TBC1D5: variants seen among roughly 807,000 people sequenced by gnomAD.
The protein encoded by TBC1D5 is TBC1 domain family member 5.
A neutral mutation model predicts 100.3 loss-of-function variants in TBC1D5; 75 were observed. The ratio of observed to expected loss-of-function variants is 0.75; its 90% CI spans 0.62 to 0.91. The LOEUF (loss-of-function observed/expected upper bound fraction) is 0.91, where lower values mean the gene tolerates loss of function less well. Ranked by LOEUF, TBC1D5 falls within the 40% of genes least tolerant of loss-of-function variation. TBC1D5 has a pLI of 0.00. For synonymous variants in TBC1D5, 323 were observed against 325.6 expected, an observed-to-expected ratio of 0.99 and a Z score of 0.09; for missense variants, 910 against 942.4, an observed-to-expected ratio of 0.97 and a Z score of 0.45.
At chr3:17,540,693 G>A (rs1054363110) in intron 2 of TBC1D5, among the ~76,000 whole-genome samples, 5 of 151,792 alleles carry the variant, frequency 3.3e-5, no homozygotes, top group Admixed American at 1.3e-4. Context: ...CAGATCACGA[G>A]GTCAAGAGAT....
chr3:17,523,460 CAA>C (rs1400297903), intron 2 of TBC1D5, among the ~76,000 whole-genome samples: 2 of 151,910 alleles, frequency 1.3e-5, no homozygotes, highest in South Asian at 2.1e-4. Flanking sequence ...ACAGGGGTCT[CAA>C]AAGACTTTAT....
At chr3:17,315,899 GC>G (rs2084642422) in intron 13 of TBC1D5, among the ~76,000 whole-genome samples, 1 of 152,170 alleles carries the variant, frequency 6.6e-6, no homozygotes, top group South Asian at 2.1e-4. Context: ...TGTAGGCATG[GC>G]AGAGGGCTAA....
At chr3:17,243,976 T>G (rs974547137) in intron 16 of TBC1D5, among the ~76,000 whole-genome samples, 3 of 152,162 alleles carry the variant, frequency 2.0e-5, no homozygotes, top group African/African-American at 7.2e-5. Context: ...GAGGAATGAC[T>G]GCAAAACCCG....
intron 2 of TBC1D5, chr3:17,576,380 T>C (rs2096657299): frequency 6.6e-6 from 1 of 151,974 alleles, no homozygotes; most frequent in African/African-American, 2.4e-5. Context: ...CTTAATTCAG[T>C]TATAACTATA....
intron 4 of TBC1D5, among the ~76,000 whole-genome samples, chr3:17,408,268 A>AACACACACACACACAC (rs3041146): frequency 1.2e-4 from 18 of 144,114 alleles, no homozygotes; most frequent in Non-Finnish European, 2.3e-4. Flanking sequence ...AAGACTATCC[A>AACACACACACACACAC]ACACACACAC....
chr3:17,662,152 C>G (rs2066728146), intron 1 of TBC1D5, among the ~76,000 whole-genome samples: 1 of 152,168 alleles, frequency 6.6e-6, no homozygotes, highest in African/African-American at 2.4e-5. Context: ...CTTGGCATCC[C>G]AAAGCACTGG....
chr3:17,437,407 A>G (rs1308048149), intron 3 of TBC1D5, among the ~76,000 whole-genome samples: 1 of 152,188 alleles, frequency 6.6e-6, no homozygotes, highest in East Asian at 1.9e-4. Flanking sequence ...TCGTAGAAAT[A>G]TAACAGAGTA....
At chr3:17,167,681 C>T in intron 20 of TBC1D5, 68 bp downstream of exon 21, 3 of 1,415,608 alleles carry the variant, frequency 2.1e-6, no homozygotes, top group Non-Finnish European at 3.0e-6. Context: ...CATGGTGCTC[C>T]ATGCCCTGGG....
chr3:17,181,833 C>T (rs943989962), intron 19 of TBC1D5, among the ~76,000 whole-genome samples: 1 of 152,170 alleles, frequency 6.6e-6, no homozygotes, highest in Non-Finnish European at 1.5e-5. Flanking sequence ...TACCATTTTG[C>T]CATCTGTTTT....
intron 1 of TBC1D5, among the ~76,000 whole-genome samples, chr3:17,698,375 C>T (rs2072511400): frequency 6.6e-6 from 1 of 151,480 alleles, no homozygotes. Flanking sequence ...TTCCTTACAC[C>T]TTATACAAAA....
chr3:17,399,776 G>A (rs187721973), intron 8 of TBC1D5, among the ~76,000 whole-genome samples: 87 of 152,182 alleles, frequency 5.7e-4, no homozygotes, highest in African/African-American at 2.1e-3. Context: ...ACTTGCTCTA[G>A]CCGAACTGAC....
At chr3:17,383,781 C>G in intron 9 of TBC1D5, 132 bp downstream of exon 9, 1 of 583,226 alleles carries the variant, frequency 1.7e-6, no homozygotes, top group Non-Finnish European at 2.9e-6. Flanking sequence ...AGCTGACAAG[C>G]AACTCTCTGA....
intron 1 of TBC1D5, among the ~76,000 whole-genome samples, chr3:17,696,035 T>C (rs1226947990): frequency 6.6e-6 from 1 of 152,190 alleles, no homozygotes; most frequent in Admixed American, 6.5e-5. Flanking sequence ...GAAATAAAGA[T>C]GTTCTTTGAA....
At chr3:17,431,553 A>T (rs1158758930) in intron 3 of TBC1D5, among the ~76,000 whole-genome samples, 1 of 152,038 alleles carries the variant, frequency 6.6e-6, no homozygotes, top group African/African-American at 2.4e-5. Context: ...TACAACATAT[A>T]TCTATAAGAA....
Position 17,283,469 on chromosome 3 carries a change from G to A in TBC1D5, c.1245+8426C>T, listed in dbSNP as rs542036116. Among the ~76,000 whole-genome samples the A allele has an allele frequency of 1.1e-4, 16 of 152,276 alleles. 1 individual carries two copies. The South Asian group carries it at 3.3e-3, about 32-fold the overall frequency. On this transcript the variant is annotated intron_variant, in intron 15 of 21. Coordinates refer to ENST00000253692, the Ensembl canonical transcript of TBC1D5. The stretch of plus-strand genomic sequence containing the variant: ...ATGAAAGCAAAACTGACTGAGACTG[G>A]TGGTATACAGAAGGCAGCTAAGATT...
At chr3:17,364,943 T>C (rs1559726889) in intron 13 of TBC1D5, among the ~76,000 whole-genome samples, 1 of 152,158 alleles carries the variant, frequency 6.6e-6, no homozygotes, top group African/African-American at 2.4e-5. Context: ...TGCATAAACA[T>C]CTTTTATGAG....
exon 21 of TBC1D5, chr3:17,166,802 C>G (rs768926688): frequency 6.2e-7 from 1 of 1,613,964 alleles, no homozygotes; most frequent in South Asian, 1.1e-5. Context: ...ACGCTCTGGC[C>G]TTGGCCTCGG....
chr3:17,308,026 G>A, exon 14 of TBC1D5: 1 of 1,607,474 alleles, frequency 6.2e-7, no homozygotes, highest in Non-Finnish European at 8.5e-7. Flanking sequence ...TGGCTACGAA[G>A]ATATAATCTA....
chr3:17,423,157 A>G (rs1024620506), intron 4 of TBC1D5, among the ~76,000 whole-genome samples: 1 of 152,180 alleles, frequency 6.6e-6, no homozygotes, highest in Non-Finnish European at 1.5e-5. Context: ...TGTTTTAAAG[A>G]CAAGTGCCTT....
Sources: allele counts gnomAD v4.1 joint callset (sites outside exome capture counted in the v4.1 genomes callset), GRCh38; gene constraint gnomAD v4.1.1; transcripts MANE v1.5; gene names NCBI Gene and HGNC (gene_info 2026-07-23, HGNC 2026-07-21).